Variants in HIBADH observed in about 807,000 individuals in gnomAD.
HIBADH encodes 3-hydroxyisobutyrate dehydrogenase, also known as 3-hydroxyisobutyrate dehydrogenase, mitochondrial.
A neutral mutation model predicts 36.1 loss-of-function variants in HIBADH; 25 were observed. That is an observed-to-expected ratio of 0.69 (90% confidence interval 0.50 to 0.97). The LOEUF is 0.97. Ranked by LOEUF, HIBADH falls within the 50% of genes least tolerant of loss-of-function variation. HIBADH has a pLI of 0.00. For synonymous variants in HIBADH, 160 were observed against 149.5 expected (o/e 1.07, Z -0.51); for missense variants, 421 against 418.0 (o/e 1.01, Z -0.06).
Position 27,629,496 on chromosome 7 carries a change from A to G in HIBADH, c.363-4T>C, listed in dbSNP as rs781120768. On this transcript the variant is annotated splice_region_variant and splice_polypyrimidine_tract_variant and intron_variant, in intron 3 of 7. Transcript: ENST00000265395. ...TAATGAGCCCTTCTTCACTTTTCTA[A>G]GTAAATAAATAAAAATATTTGTAGT... 3 of 1,550,142 alleles carry G rather than the reference A, an allele frequency of 1.9e-6. No individual in the cohort carries two copies. Among genetic ancestry groups the G allele is most frequent in the Admixed American group, 1.9e-5 (1 of 53,368 alleles).
At chr7:27,642,640 TA>T (rs1251748266) in intron 2 of HIBADH, among the ~76,000 whole-genome samples, 1 of 125,528 alleles carries the variant, frequency 8.0e-6, no homozygotes, top group Non-Finnish European at 1.6e-5. Flanking sequence ...CCTAAATGTC[TA>T]GTTTTTTTTT....
In HIBADH at chr7:27,532,991, T is replaced by C. The variant is rs1784023626; in HGVS notation, c.696-1643A>G. On this transcript the variant is annotated intron_variant, in intron 6 of 7. Transcript: ENST00000265395. ...AAAGTACCAAATGTTCAAGAATGCA[T>C]ACATCTAATATGCTCCATAAGGAGA... is the stretch of plus-strand genomic sequence containing the variant. Among the ~76,000 whole-genome samples, 4 of 152,328 alleles carry C rather than the reference T, an allele frequency of 2.6e-5. 1 individual carries two copies. The highest frequency in any genetic ancestry group is 6.8e-3 in the Middle Eastern group (2 of 294).
At chr7:27,662,129 A>G (rs945133991) in intron 1 of HIBADH, among the ~76,000 whole-genome samples, 21 of 152,176 alleles carry the variant, frequency 1.4e-4, no homozygotes, top group Non-Finnish European at 3.1e-4. Flanking sequence ...GTTACAGTAG[A>G]GGGGGGAAGC....
At chr7:27,652,157 T>G (rs1786206852) in intron 1 of HIBADH, among the ~76,000 whole-genome samples, 1 of 152,226 alleles carries the variant, frequency 6.6e-6, no homozygotes, top group Non-Finnish European at 1.5e-5. Flanking sequence ...GATGCTGAGT[T>G]GAAGTAAAAT....
At chr7:27,608,542 T>G (rs1785270196) in intron 4 of HIBADH, among the ~76,000 whole-genome samples, 1 of 151,488 alleles carries the variant, frequency 6.6e-6, no homozygotes, top group Non-Finnish European at 1.5e-5. Context: ...TGATAAGGTT[T>G]CAGTTTGATT....
At chr7:27,604,069 C>A (rs529872696) in intron 4 of HIBADH, among the ~76,000 whole-genome samples, 5 of 152,182 alleles carry the variant, frequency 3.3e-5, no homozygotes, top group African/African-American at 1.2e-4. Flanking sequence ...TGTGGAGGTT[C>A]CCATGGCAAC....
intron 2 of HIBADH, among the ~76,000 whole-genome samples, chr7:27,644,151 A>C (rs929015191): frequency 6.6e-6 from 1 of 152,150 alleles, no homozygotes; most frequent in Admixed American, 6.5e-5. Flanking sequence ...CCATGATGAC[A>C]ATCAATTTTA....
intron 4 of HIBADH, among the ~76,000 whole-genome samples, chr7:27,609,772 TA>T: frequency 6.6e-6 from 1 of 152,304 alleles, no homozygotes; most frequent in South Asian, 2.1e-4. Context: ...AATTTTATAA[TA>T]AATAACAGCA....
chr7:27,562,687 G>A (rs1784485184), intron 4 of HIBADH, among the ~76,000 whole-genome samples: 2 of 152,056 alleles, frequency 1.3e-5, no homozygotes, highest in South Asian at 2.1e-4. Context: ...CAAACTTCCG[G>A]GATCAAGTGA....
chr7:27,608,504 C>T (rs977324531), intron 4 of HIBADH, among the ~76,000 whole-genome samples: 4 of 152,142 alleles, frequency 2.6e-5, no homozygotes, highest in African/African-American at 4.8e-5. Context: ...TCAAGAAAAT[C>T]GGACTTCTTG....
chr7:27,602,014 T>C (rs186932737), intron 4 of HIBADH, among the ~76,000 whole-genome samples: 38 of 152,188 alleles, frequency 2.5e-4, no homozygotes, highest in Non-Finnish European at 5.0e-4. Flanking sequence ...TTTTAGTTAT[T>C]CTAGCAACCC....
intron 4 of HIBADH, among the ~76,000 whole-genome samples, chr7:27,575,872 C>G (rs1784701249): frequency 6.6e-6 from 1 of 152,240 alleles, no homozygotes; most frequent in Non-Finnish European, 1.5e-5. Flanking sequence ...AGACAGCCAT[C>G]TGCTCGCAGC....
intron 3 of HIBADH, among the ~76,000 whole-genome samples, chr7:27,632,026 T>C (rs1785754614): frequency 6.6e-6 from 1 of 152,198 alleles, no homozygotes; most frequent in Admixed American, 6.5e-5. Context: ...AAAATTATAT[T>C]ATTAACAGTT....
chr7:27,641,810 G>T (rs1785965948), intron 2 of HIBADH, among the ~76,000 whole-genome samples: 1 of 150,602 alleles, frequency 6.6e-6, no homozygotes, highest in Admixed American at 6.6e-5. Context: ...CAGGACCAAA[G>T]CTTTTTCACC....
At chr7:27,541,289 A>G (rs1424830399) in intron 5 of HIBADH, among the ~76,000 whole-genome samples, 1 of 152,006 alleles carries the variant, frequency 6.6e-6, no homozygotes, top group Admixed American at 6.6e-5. Flanking sequence ...ATTTCTTGAC[A>G]TTTTTTAAGC....
At chr7:27,546,905 A>C (rs1784242173) in intron 4 of HIBADH, among the ~76,000 whole-genome samples, 1 of 152,142 alleles carries the variant, frequency 6.6e-6, no homozygotes, top group Admixed American at 6.6e-5. Flanking sequence ...TTACTGCAAT[A>C]GTCTCCTACT....
In HIBADH at chr7:27,570,802, A is replaced by G. The variant is rs111929380; in HGVS notation, c.485-27702T>C. 9.9e-3 allele frequency among the ~76,000 whole-genome samples: 728 copies of G among 73,758 alleles called. 5 individuals carry two copies. The highest frequency in any genetic ancestry group is 0.05 in the African/African-American group (700 of 13,910). The allele number at this position is 73,758 out of a possible 152,430, so 48.4% of individuals were successfully genotyped here. A position where few individuals can be genotyped will look rare whatever the true frequency, so the allele number is the denominator to read the frequency against. ...TTTCCCAGCTGCTTTACACGTTTGT[A>G]TTTGGTACTGCGTAGTTTTACTATC... On this transcript the variant is annotated intron_variant, in intron 4 of 7. Transcript: ENST00000265395.
chr7:27,609,525 G>A (rs1261710661), intron 4 of HIBADH, among the ~76,000 whole-genome samples: 1 of 152,102 alleles, frequency 6.6e-6, no homozygotes, highest in Non-Finnish European at 1.5e-5. Context: ...GTAAAATTAT[G>A]GGAAAATGTA....
intron 1 of HIBADH, among the ~76,000 whole-genome samples, chr7:27,658,820 G>A (rs1051267921): frequency 2.0e-5 from 3 of 151,868 alleles, no homozygotes; most frequent in African/African-American, 4.8e-5. Context: ...ATAATACTAC[G>A]TCATAAGCAC....
Sources: allele counts gnomAD v4.1 joint callset (sites outside exome capture counted in the v4.1 genomes callset), GRCh38; gene constraint gnomAD v4.1.1; transcripts MANE v1.5; gene names NCBI Gene and HGNC (gene_info 2026-07-23, HGNC 2026-07-21).